FAT4: variants seen among roughly 807,000 people sequenced by gnomAD.
FAT4 encodes the protein protocadherin Fat 4.
A neutral mutation model predicts 303.9 loss-of-function variants in FAT4; 84 were observed. The observed-to-expected ratio is 0.28, with a 90% CI of 0.23 to 0.33. The LOEUF (loss-of-function observed/expected upper bound fraction) is 0.33, where lower values mean the gene tolerates loss of function less well. Among genes scored for constraint, FAT4 ranks in the 10% least tolerant of loss-of-function variants. The pLI is 1.00. For missense variants in FAT4, 6,005 were observed against 6,146.8 expected, an observed-to-expected ratio of 0.98 and a Z score of 0.77; for synonymous variants, 2,307 against 2,298.8, an observed-to-expected ratio of 1.00 and a Z score of -0.10.
rs1003532636 is a variant in FAT4, at chr4:125,316,003, G to T, written c.-13+26G>T. On this transcript the variant is annotated intron_variant, in intron 1 of 17. Transcript: ENST00000394329. This position sits in a 1 kb window ranked among gnomAD's most constrained non-coding sequence, Gnocchi z 5.7. ...GTAAGTTCTAAAGTTTCTGAAGACC[G>T]TTCTTTGCAATGATTCCTCATATAC... Among the ~76,000 whole-genome samples the T allele has an allele frequency of 6.6e-5, 10 of 152,146 alleles. No individual in the cohort carries two copies. The highest frequency in any genetic ancestry group is 7.3e-5 in the Non-Finnish European group (5 of 68,034).
chr4:125,420,111 C>T (rs1223513672), intron 7 of FAT4, among the ~76,000 whole-genome samples: 1 of 152,156 alleles, frequency 6.6e-6, no homozygotes, highest in Admixed American at 6.6e-5. Flanking sequence ...ACTTGTCTGA[C>T]CAGTAATGTT....
chr4:125,333,697 AT>A (rs746891966), intron 2 of FAT4, among the ~76,000 whole-genome samples: 3 of 152,306 alleles, frequency 2.0e-5, no homozygotes, highest in East Asian at 3.9e-4. Context: ...AGTGATTAAA[AT>A]GCTTAGCACC....
chr4:125,485,125 A>C (rs535205834), intron 16 of FAT4, among the ~76,000 whole-genome samples: 1 of 152,164 alleles, frequency 6.6e-6, no homozygotes, highest in Non-Finnish European at 1.5e-5. Context: ...GAGAGTCATT[A>C]AGCAAGTGGT....
chr4:125,450,244 C>T lies in FAT4; in HGVS notation c.9234C>T (p.His3078=). Residue 3078 remains histidine (H), a synonymous_variant, in exon 10 of 18, where the codon CAC becomes CAT. Coordinates refer to ENST00000394329, the MANE Select transcript of FAT4 (RefSeq NM_001291303.3). ...NPPLSSQATV[H]ITVTEENYHT... is the part of the protein sequence containing the mutation. Reference sequence around the variant, plus strand: ...CACTTTCTTCCCAAGCAACTGTTCACATAACTGTCACTGAGGAAAACTACC... The same window carrying T: ...CACTTTCTTCCCAAGCAACTGTTCATATAACTGTCACTGAGGAAAACTACC... 2 of 1,614,092 alleles carry T rather than the reference C, an allele frequency of 1.2e-6. No individual in the cohort carries two copies. The highest frequency in any genetic ancestry group is 1.7e-6 in the Non-Finnish European group (2 of 1,180,014).
At chr4:125,390,152 G>T (rs73845997) in intron 2 of FAT4, among the ~76,000 whole-genome samples, 138 of 152,146 alleles carry the variant, frequency 9.1e-4, no homozygotes, top group African/African-American at 3.3e-3. Context: ...AATATTTAGA[G>T]CCTAAACCCA....
chr4:125,488,688 G>C (rs1727496174), intron 17 of FAT4, among the ~76,000 whole-genome samples: 1 of 152,194 alleles, frequency 6.6e-6, no homozygotes, highest in South Asian at 2.1e-4. Flanking sequence ...TTTGGTTTGG[G>C]ACATTTTGGA....
intron 3 of FAT4, among the ~76,000 whole-genome samples, chr4:125,401,121 A>G (rs1331347790): frequency 1.3e-5 from 2 of 152,064 alleles, no homozygotes; most frequent in Admixed American, 1.3e-4. Flanking sequence ...TTAAAGAAAA[A>G]GCTCACAAAG....
intron 2 of FAT4, among the ~76,000 whole-genome samples, chr4:125,392,954 CT>C (rs1313403032): frequency 6.6e-6 from 1 of 152,110 alleles, no homozygotes; most frequent in African/African-American, 2.4e-5. Flanking sequence ...AGATAAATCA[CT>C]TGACATTTCA....
In FAT4 at chr4:125,321,567, C is replaced by T. The variant is rs780284361; in HGVS notation, c.5156C>T (p.Pro1719Leu). Residue 1719 changes from proline to leucine, a missense_variant, in exon 2 of 18, where the codon CCC becomes CTC. Coordinates refer to ENST00000394329, the MANE Select transcript of FAT4 (RefSeq NM_001291303.3). ...VYAIEKSTAFPRTQRAEVEIT... is the reference protein window; with the variant it reads ...VYAIEKSTAFLRTQRAEVEIT... ...GCCATAGAAAAATCAACTGCTTTTC[C>T]CAGAACACAGAGAGCAGAGGTAATG... is the stretch of plus-strand genomic sequence containing the variant. 58 of 1,610,394 alleles carry T rather than the reference C, an allele frequency of 3.6e-5. No individual in the cohort carries two copies. The highest frequency in any genetic ancestry group is 4.0e-5 in the Non-Finnish European group (47 of 1,178,366).
At position 125,463,750 on chromosome 4, in the gene FAT4, A is replaced by C. The variant is rs10010645; in HGVS notation, c.11905+83A>C. 342,203 of 808,906 alleles carry C rather than the reference A, an allele frequency of 0.42. 72,224 individuals carry two copies. The highest frequency in any genetic ancestry group is 0.46 in the Non-Finnish European group (238,680 of 523,878). 50.1% of individuals were successfully genotyped at this position (808,906 alleles called of 1,614,324 possible). Reference sequence around the variant, plus strand: ...CAATTTTGTTTTATTATGAGTATGAAAGACCAAAAAATTATTGTTTTACAT... The same window carrying C: ...CAATTTTGTTTTATTATGAGTATGACAGACCAAAAAATTATTGTTTTACAT... On this transcript the variant is annotated intron_variant, in intron 11 of 17. Transcript: ENST00000394329.
chr4:125,368,622 A>G (rs1732980686), intron 2 of FAT4, among the ~76,000 whole-genome samples: 1 of 151,012 alleles, frequency 6.6e-6, no homozygotes, highest in Non-Finnish European at 1.5e-5. Context: ...ACTGAATGCA[A>G]ATTAAGATTT....
intron 16 of FAT4, among the ~76,000 whole-genome samples, chr4:125,482,925 G>T (rs180719189): frequency 2.0e-5 from 3 of 152,062 alleles, no homozygotes; most frequent in Admixed American, 2.0e-4. Context: ...TTCCAACTAG[G>T]ATAGATTTTA....
chr4:125,363,780 C>T (rs1578561561), intron 2 of FAT4, among the ~76,000 whole-genome samples: 1 of 152,088 alleles, frequency 6.6e-6, no homozygotes, highest in East Asian at 1.9e-4. Flanking sequence ...AGGTGTGAGC[C>T]ACCGTGCCTG....
chr4:125,468,503 C>G lies in FAT4; in HGVS notation c.11906-9C>G. 1 of 1,420,836 alleles carries G rather than the reference C, an allele frequency of 7.0e-7. No individual in the cohort carries two copies. Among genetic ancestry groups the G allele is most frequent in the Non-Finnish European group, 9.3e-7 (1 of 1,076,774 alleles). The allele number at this position is 1,420,836 out of a possible 1,614,324, so 88.0% of individuals were successfully genotyped here. ...TTTTATGCCAGTTTGTCAATTTTCC[C>G]TCCAACAGGTGTCTTTGGAAAACAC... On this transcript the variant is annotated splice_polypyrimidine_tract_variant and intron_variant, in intron 11 of 17. Transcript: ENST00000394329.
At chr4:125,321,640 T>G in intron 2 of FAT4, 54 bp downstream of exon 2, 1 of 1,486,226 alleles carries the variant, frequency 6.7e-7, no homozygotes, top group Middle Eastern at 1.8e-4. Flanking sequence ...AGAAAAATCA[T>G]TCTCTTTATA....
At chr4:125,371,430 G>C (rs1344073378) in intron 2 of FAT4, among the ~76,000 whole-genome samples, 1 of 151,854 alleles carries the variant, frequency 6.6e-6, no homozygotes, top group Admixed American at 6.6e-5. Flanking sequence ...CCCCAGGAGA[G>C]TGGCTGTGAA....
intron 8 of FAT4, among the ~76,000 whole-genome samples, chr4:125,439,696 T>C (rs562925862): frequency 2.0e-5 from 3 of 152,166 alleles, no homozygotes; most frequent in African/African-American, 4.8e-5. Flanking sequence ...CCTCCAACTC[T>C]TTAATTCAAA....
At chr4:125,476,886 C>T (rs1246221704) in intron 13 of FAT4, among the ~76,000 whole-genome samples, 1 of 151,992 alleles carries the variant, frequency 6.6e-6, no homozygotes, top group Non-Finnish European at 1.5e-5. Flanking sequence ...TGAGAGTATG[C>T]TCCTTCTTGT....
chr4:125,338,025 T>A (rs1731640600), intron 2 of FAT4, among the ~76,000 whole-genome samples: 1 of 152,276 alleles, frequency 6.6e-6, no homozygotes, highest in South Asian at 2.1e-4. Flanking sequence ...TTTTCTTCAT[T>A]TGCATAGATG....
Sources: allele counts gnomAD v4.1 joint callset (sites outside exome capture counted in the v4.1 genomes callset), GRCh38; gene constraint gnomAD v4.1.1; non-coding constraint Gnocchi (gnomAD v3.1); transcripts MANE v1.5; gene names NCBI Gene and HGNC (gene_info 2026-07-23, HGNC 2026-07-21).